SLC35F3: variants seen among roughly 807,000 people sequenced by gnomAD.
The protein encoded by SLC35F3 is putative thiamine transporter SLC35F3.
Under a neutral mutation model 49.9 loss-of-function variants are expected in SLC35F3, and 25 were observed. The observed-to-expected ratio is 0.50, with a 90% confidence interval of 0.37 to 0.70. The LOEUF is 0.70. Ranked by LOEUF, SLC35F3 falls within the 30% of genes least tolerant of loss-of-function variation. The pLI is 0.00. For missense variants in SLC35F3, 525 were observed against 639.8 expected (o/e 0.82, Z 1.94); for synonymous variants, 275 against 265.4 (o/e 1.04, Z -0.35).
intron 2 of SLC35F3, among the ~76,000 whole-genome samples, chr1:233,955,477 A>G (rs971507227): frequency 6.6e-6 from 1 of 151,992 alleles, no homozygotes; most frequent in Admixed American, 6.6e-5. Flanking sequence ...CTGCATATCT[A>G]ATTGGTGGAC....
At chr1:233,937,977 GGA>G (rs1662360810) in intron 2 of SLC35F3, among the ~76,000 whole-genome samples, 1 of 152,198 alleles carries the variant, frequency 6.6e-6, no homozygotes, top group African/African-American at 2.4e-5. Context: ...GCAGAATTCA[GGA>G]GAGAAGATTG....
chr1:234,185,760 A>C (rs961738045), intron 2 of SLC35F3, among the ~76,000 whole-genome samples: 2 of 152,236 alleles, frequency 1.3e-5, no homozygotes, highest in African/African-American at 2.4e-5. Flanking sequence ...CTGTGTTACC[A>C]TTCATCACAT....
intron 3 of SLC35F3, among the ~76,000 whole-genome samples, chr1:234,297,482 G>T (rs976703406): frequency 2.0e-5 from 3 of 152,308 alleles, no homozygotes; most frequent in Admixed American, 1.3e-4. Context: ...CCTGCCATCT[G>T]GGCAACATCG....
At chr1:233,927,879 T>C (rs557703634) in intron 2 of SLC35F3, among the ~76,000 whole-genome samples, 96 of 152,152 alleles carry the variant, frequency 6.3e-4, no homozygotes, top group Admixed American at 1.2e-3. Flanking sequence ...ATTCCTTAAA[T>C]AGATATAAAA....
At chr1:233,918,107 T>C (rs1393690790) in intron 2 of SLC35F3, among the ~76,000 whole-genome samples, 2 of 152,220 alleles carry the variant, frequency 1.3e-5, no homozygotes, top group East Asian at 3.9e-4. Flanking sequence ...CACCTTTTCT[T>C]TGTGCTGAGC....
At chr1:234,224,307 T>C (rs1429312932) in intron 2 of SLC35F3, among the ~76,000 whole-genome samples, 1 of 152,178 alleles carries the variant, frequency 6.6e-6, no homozygotes, top group Non-Finnish European at 1.5e-5. Context: ...GCTCAAGCAA[T>C]CCACCCATCT....
intron 4 of SLC35F3, among the ~76,000 whole-genome samples, chr1:234,312,545 A>G (rs1572148114): frequency 6.6e-6 from 1 of 152,210 alleles, no homozygotes. Context: ...ACCTGAGCCC[A>G]GCATGGGGGA....
At chr1:234,269,266 C>A (rs962043667) in intron 3 of SLC35F3, among the ~76,000 whole-genome samples, 22 of 152,114 alleles carry the variant, frequency 1.4e-4, no homozygotes, top group Non-Finnish European at 2.5e-4. Flanking sequence ...AGGGGCCTCA[C>A]CCTTCCCACA....
intron 2 of SLC35F3, among the ~76,000 whole-genome samples, chr1:233,934,100 A>G (rs1201350142): frequency 6.6e-6 from 1 of 152,240 alleles, no homozygotes; most frequent in Non-Finnish European, 1.5e-5. Flanking sequence ...TGCTAAGGAT[A>G]GCATAGGATA....
chr1:234,309,773 T>C (rs1287408250), intron 4 of SLC35F3, among the ~76,000 whole-genome samples: 1 of 152,238 alleles, frequency 6.6e-6, no homozygotes, highest in Non-Finnish European at 1.5e-5. Context: ...TCGGCATCCA[T>C]GCGTGCATGC....
intron 2 of SLC35F3, among the ~76,000 whole-genome samples, chr1:234,063,459 G>GTGAT (rs1664573195): frequency 6.6e-6 from 1 of 152,158 alleles, no homozygotes. Flanking sequence ...AGGTGCTGGG[G>GTGAT]TGATTACCCC....
rs1190233275 is a variant in SLC35F3 at position 234,108,292 on chromosome 1, T to TATA, written c.284-123124_284-123123insTAA. Among the ~76,000 whole-genome samples, 40 of 61,746 alleles carry TATA rather than the reference T, an allele frequency of 6.5e-4. 1 individual carries two copies. Among genetic ancestry groups the TATA allele is most frequent in the East Asian group, 2.6e-3 (3 of 1,150 alleles). The allele number at this position is 61,746 out of a possible 152,430, so 40.5% of individuals were successfully genotyped here. Reference sequence around the variant, plus strand: ...ATAAAAGATATATATTATTTATATATAAAGATATATATTTATATATATAAA... The same window carrying TATA: ...ATAAAAGATATATATTATTTATATATATAAAAGATATATATTTATATATATAAA... On this transcript the variant is annotated intron_variant, in intron 2 of 7. Transcript: ENST00000366618.
chr1:234,204,808 T>C (rs1666947730), intron 2 of SLC35F3, among the ~76,000 whole-genome samples: 1 of 152,254 alleles, frequency 6.6e-6, no homozygotes, highest in Non-Finnish European at 1.5e-5. Context: ...CATCTCTTTT[T>C]GCTTTCATCC....
rs1187255586 is a variant in SLC35F3 at position 234,231,913 on chromosome 1, A to C, written c.608+172A>C. On this transcript the variant is annotated intron_variant, in intron 3 of 7. Coordinates refer to ENST00000366618, the MANE Select transcript of SLC35F3 (RefSeq NM_173508.4). The surrounding 1 kb of genome is among the most constrained non-coding windows in gnomAD (Gnocchi z 5.4). ...TGGGGTCGGGAGCAGAATTCTGTCT[A>C]CCCTGGGTAGTGAACGCCTCCTTCC... 6.6e-6 allele frequency among the ~76,000 whole-genome samples: 1 copy of C among 152,036 alleles called. No homozygotes were observed. The highest frequency in any genetic ancestry group is 1.5e-5 in the Non-Finnish European group (1 of 68,002).
At chr1:234,166,330 G>C (rs1052341056) in intron 2 of SLC35F3, among the ~76,000 whole-genome samples, 1 of 152,242 alleles carries the variant, frequency 6.6e-6, no homozygotes, top group Non-Finnish European at 1.5e-5. Context: ...ATCACCCAGA[G>C]TCCATAGTTT....
chr1:234,262,141 A>G (rs926444750), intron 3 of SLC35F3, among the ~76,000 whole-genome samples: 2 of 152,240 alleles, frequency 1.3e-5, no homozygotes, highest in African/African-American at 4.8e-5. Flanking sequence ...TCAACTTTCA[A>G]GGCATTCTAT....
In SLC35F3 at chr1:233,996,115, A is replaced by G. The variant is rs75919939; in HGVS notation, c.283+90357A>G. Among the ~76,000 whole-genome samples, 1,440 of 152,252 alleles carry G rather than the reference A, an allele frequency of 9.5e-3. 26 individuals are homozygous for G. The highest frequency in any genetic ancestry group is 0.041 in the South Asian group (200 of 4,822). The stretch of plus-strand genomic sequence containing the variant: ...TTGGCACTCCATATTTCTGGGTTTC[A>G]CATTCATAGATTCAACCAATCAAGA... On this transcript the variant is annotated intron_variant, in intron 2 of 7. Transcript: ENST00000366618.
At chr1:234,258,524 C>T (rs918285213) in intron 3 of SLC35F3, among the ~76,000 whole-genome samples, 1 of 152,220 alleles carries the variant, frequency 6.6e-6, no homozygotes, top group African/African-American at 2.4e-5. Flanking sequence ...CAGGCCCCTC[C>T]CATAATTCTA....
chr1:234,050,515 T>C (rs917817615), intron 2 of SLC35F3, among the ~76,000 whole-genome samples: 1 of 152,246 alleles, frequency 6.6e-6, no homozygotes, highest in Non-Finnish European at 1.5e-5. Flanking sequence ...TTTGTTTAAG[T>C]TCTTTGTAGA....
Sources: gnomAD v4.1 joint callset for allele counts (sites outside exome capture counted in the v4.1 genomes callset) on GRCh38, gnomAD v4.1.1 for gene constraint, Gnocchi (gnomAD v3.1) non-coding constraint, MANE v1.5 for transcripts, NCBI Gene and HGNC (gene_info 2026-07-23, HGNC 2026-07-21) for gene names.